The following FGD6 variants were observed in gnomAD, a reference collection of about 807,000 sequenced individuals.
FGD6 encodes FYVE, RhoGEF and PH domain containing 6, also known as FYVE, RhoGEF and PH domain-containing protein 6.
Under a neutral mutation model 149.4 loss-of-function variants are expected in FGD6, and 90 were observed. The ratio of observed to expected loss-of-function variants is 0.60; its 90% CI spans 0.51 to 0.72. FGD6 has a LOEUF of 0.72. FGD6 is among the 30% of genes least tolerant of loss of function. The pLI is 0.00. For missense variants in FGD6, 1,437 were observed against 1,684.8 expected (o/e 0.85, Z 2.57); for synonymous variants, 527 against 584.0 (o/e 0.90, Z 1.41).
intron 3 of FGD6, among the ~76,000 whole-genome samples, chr12:95,166,984 GTAGCTGGAAT>G (rs1880838003): frequency 6.6e-6 from 1 of 150,946 alleles, no homozygotes; most frequent in Non-Finnish European, 1.5e-5. Context: ...AGCCTCCCAA[GTAGCTGGAAT>G]TACAGATGTG....
At position 95,217,382 on chromosome 12, in the gene FGD6, G is replaced by C; in HGVS notation, c.-142C>G. The C allele has an allele frequency of 3.1e-6, 4 of 1,302,526 alleles. No individual in the cohort carries two copies. The highest frequency in any genetic ancestry group is 1.6e-5 in the African/African-American group (1 of 63,808). 80.7% of individuals were successfully genotyped at this position (1,302,526 alleles called of 1,614,324 possible). A position where few individuals can be genotyped will look rare whatever the true frequency, so the allele number is the denominator to read the frequency against. On this transcript the variant is annotated 5_prime_UTR_variant, in exon 1 of 21. Transcript: ENST00000343958. Reference sequence around the variant, plus strand: ...CCCGCCGCCCCGCGGCGCAGCCTGAGCGCCACACAAAGGACGCGGCCGACT... The same window carrying C: ...CCCGCCGCCCCGCGGCGCAGCCTGACCGCCACACAAAGGACGCGGCCGACT...
chr12:95,170,596 C>T (rs900037039), intron 3 of FGD6, among the ~76,000 whole-genome samples: 2 of 152,044 alleles, frequency 1.3e-5, no homozygotes, highest in African/African-American at 2.4e-5. Flanking sequence ...GAGCCGAGAT[C>T]GCGCCATTGT....
chr12:95,123,518 A>G (rs1879251116), intron 8 of FGD6, among the ~76,000 whole-genome samples: 1 of 152,038 alleles, frequency 6.6e-6, no homozygotes, highest in Non-Finnish European at 1.5e-5. Flanking sequence ...CTAGCTAGGC[A>G]TATCCAGAAT....
chr12:95,105,210 C>T (rs1878573611), intron 13 of FGD6, 124 bp from the exon 14 acceptor site: 3 of 773,622 alleles, frequency 3.9e-6, no homozygotes, highest in Middle Eastern at 2.4e-4. Context: ...GCTTTCTCTA[C>T]TGCTGTTCTC....
chr12:95,089,033 T>A (rs1946327918), intron 18 of FGD6, among the ~76,000 whole-genome samples: 1 of 152,248 alleles, frequency 6.6e-6, no homozygotes, highest in Admixed American at 6.5e-5. Flanking sequence ...CTTTGACATC[T>A]AAATTTGAGG....
rs1174763781 is a variant in FGD6 at position 95,186,228 on chromosome 12, C to CTTTTTT, written c.2442-13490_2442-13485dup. On this transcript the variant is annotated intron_variant, in intron 2 of 20. Transcript: ENST00000343958. ...TAAGAATGCTTCTTATATTCTTCTT[C>CTTTTTT]TTTTTTTTTTTTTTTTTTTTTTTTT... is the stretch of plus-strand genomic sequence containing the variant. Among the ~76,000 whole-genome samples the CTTTTTT allele has an allele frequency of 3.2e-3, 126 of 38,934 alleles. 3 individuals carry two copies. Among genetic ancestry groups the CTTTTTT allele is most frequent in the Middle Eastern group, 0.02 (1 of 50 alleles). 25.5% of individuals were successfully genotyped at this position (38,934 alleles called of 152,430 possible). A position where few individuals can be genotyped will look rare whatever the true frequency, so the allele number is the denominator to read the frequency against.
In FGD6 at chr12:95,137,674, C is replaced by A; in HGVS notation, c.2842G>T (p.Glu948Ter). 1 of 1,594,548 alleles carries A rather than the reference C, an allele frequency of 6.3e-7. No individual in the cohort carries two copies. The highest frequency in any genetic ancestry group is 1.1e-5 in the South Asian group (1 of 86,964). ...ELEERMLHWT[E>*]QQRIADIFVK... ...AAGATATCAGCAATTCTTTGTTGTTCAGTCCTATGGATAGAGAAGAGATAC... is the reference window on the plus strand; with the variant it reads ...AAGATATCAGCAATTCTTTGTTGTTAAGTCCTATGGATAGAGAAGAGATAC... Residue 948 changes from glutamate to a stop codon, truncating the protein, a stop_gained, in exon 7 of 21, where the codon GAA becomes TAA. Transcript: ENST00000343958. LOFTEE classifies it high-confidence loss of function.
chr12:95,185,383 T>C (rs1393792127), intron 2 of FGD6, among the ~76,000 whole-genome samples: 1 of 152,132 alleles, frequency 6.6e-6, no homozygotes, highest in East Asian at 1.9e-4. Context: ...CATTCGCTTC[T>C]GACAGGATCA....
chr12:95,131,662 A>G (rs1005154779), intron 8 of FGD6, among the ~76,000 whole-genome samples: 107 of 152,288 alleles, frequency 7.0e-4, no homozygotes, highest in African/African-American at 2.5e-3. Context: ...TGAAGAATAC[A>G]AAGTCTACTA....
At chr12:95,103,844 T>A (rs1284699132) in intron 14 of FGD6, among the ~76,000 whole-genome samples, 4 of 152,168 alleles carry the variant, frequency 2.6e-5, no homozygotes, top group Non-Finnish European at 4.4e-5. Flanking sequence ...CCCATAACAA[T>A]GGACTTAAAA....
intron 8 of FGD6, among the ~76,000 whole-genome samples, chr12:95,114,443 TACAC>T (rs60238488): frequency 0.067 from 8,408 of 125,230 alleles, 327 homozygotes; most frequent in African/African-American, 0.1. Flanking sequence ...CCATCTCTAC[TACAC>T]ACACACACAC....
intron 8 of FGD6, chr12:95,126,080 T>G (rs1879330098): frequency 1.7e-6 from 2 of 1,170,884 alleles, no homozygotes; most frequent in Admixed American, 3.4e-5. Flanking sequence ...TGACAGATTC[T>G]GATCATTTTA....
intron 8 of FGD6, among the ~76,000 whole-genome samples, chr12:95,130,676 C>T (rs918951530): frequency 1.3e-5 from 2 of 151,768 alleles, no homozygotes; most frequent in African/African-American, 4.8e-5. Flanking sequence ...CCCAGGAGTT[C>T]GAGACCAGCC....
At position 95,107,051 on chromosome 12, in the gene FGD6, C is replaced by T. The variant is rs756933979; in HGVS notation, c.3334-14G>A. On this transcript the variant is annotated splice_polypyrimidine_tract_variant and intron_variant, in intron 12 of 20. Coordinates refer to ENST00000343958, the MANE Select transcript of FGD6 (RefSeq NM_018351.4). ...GGCATCATTAAACTGAAAGTAGAAA[C>T]ATTTCAGGGGAGAAAGTAAAGAAAC... is the stretch of plus-strand genomic sequence containing the variant. 2.5e-6 allele frequency: 4 copies of T among 1,592,510 alleles called. No homozygotes were observed. The South Asian group carries it at 3.4e-5, about 13-fold the overall frequency.
intron 3 of FGD6, among the ~76,000 whole-genome samples, chr12:95,168,790 C>T (rs541968610): frequency 6.6e-6 from 1 of 152,270 alleles, no homozygotes; most frequent in South Asian, 2.1e-4. Flanking sequence ...CAAGTGTCCA[C>T]TTTTTTTCCT....
rs1555216300 is a variant in FGD6, at chr12:95,094,699, T to C, written c.3498-5A>G. 5.0e-6 allele frequency: 8 copies of C among 1,606,684 alleles called. No homozygotes were observed. The highest frequency in any genetic ancestry group is 2.2e-5 in the East Asian group (1 of 44,846). On this transcript the variant is annotated splice_region_variant and splice_polypyrimidine_tract_variant and intron_variant, in intron 14 of 20. Coordinates refer to ENST00000343958, the MANE Select transcript of FGD6 (RefSeq NM_018351.4). ...TCATCCCTTTCTGTGGCAGAACTGT[T>C]GGGGGCAAAAGGTTTCATCAACCAG...
intron 14 of FGD6, among the ~76,000 whole-genome samples, chr12:95,096,056 A>G (rs1415620304): frequency 6.6e-6 from 1 of 152,090 alleles, no homozygotes; most frequent in African/African-American, 2.4e-5. Context: ...GATATCTGCA[A>G]TTTGTTTTAA....
intron 14 of FGD6, 85 bp downstream of exon 14, chr12:95,104,922 C>T: frequency 7.6e-7 from 1 of 1,319,032 alleles, no homozygotes; most frequent in East Asian, 2.4e-5. Context: ...CAAAAAAAAC[C>T]AAAAACCAAA....
At chr12:95,155,954 A>C (rs1286620433) in intron 3 of FGD6, among the ~76,000 whole-genome samples, 1 of 152,230 alleles carries the variant, frequency 6.6e-6, no homozygotes, top group African/African-American at 2.4e-5. Context: ...TAAATTGTGA[A>C]GATTTCATGG....
Sources: gnomAD v4.1 joint callset for allele counts (sites outside exome capture counted in the v4.1 genomes callset) on GRCh38, gnomAD v4.1.1 for gene constraint, MANE v1.5 for transcripts, NCBI Gene and HGNC (gene_info 2026-07-23, HGNC 2026-07-21) for gene names.